SNRPN: variants seen among roughly 807,000 people sequenced by gnomAD.
The protein encoded by SNRPN is small nuclear ribonucleoprotein polypeptide N.
A neutral mutation model predicts 25.2 loss-of-function variants in SNRPN; 7 were observed. The ratio of observed to expected loss-of-function variants is 0.28; its 90% CI spans 0.16 to 0.52. The LOEUF is 0.52. Ranked by LOEUF, SNRPN falls within the 20% of genes least tolerant of loss-of-function variation. The pLI, the probability that SNRPN is intolerant of heterozygous loss-of-function variation, is 0.96. For missense variants in SNRPN, 196 were observed against 322.5 expected (o/e 0.61, Z 3.00); for synonymous variants, 124 against 110.6 (o/e 1.12, Z -0.76).
chr15:24,951,826 A>G (rs2062299073), upstream of SNRPN, among the ~76,000 whole-genome samples: 1 of 152,176 alleles, frequency 6.6e-6, no homozygotes, highest in African/African-American at 2.4e-5. Context: ...ACACTTCTTT[A>G]TACATTCTGG....
At chr15:24,953,314 C>G (rs1241290809), upstream of SNRPN, among the ~76,000 whole-genome samples, 1 of 152,066 alleles carries the variant, frequency 6.6e-6, no homozygotes, top group Non-Finnish European at 1.5e-5. Flanking sequence ...ACTGAACATA[C>G]AGTATGCTTT....
At chr15:24,829,767 A>C (rs1295031369) in intron 1 of SNRPN, 3 of 152,202 alleles carry the variant, frequency 2.0e-5, no homozygotes, top group Admixed American at 1.3e-4. Context: ...AAAGGGGCAA[A>C]GAACTTTCTT....
intron 2 of SNRPN, among the ~76,000 whole-genome samples, chr15:24,834,629 G>A (rs1358719455): frequency 6.6e-6 from 1 of 151,202 alleles, no homozygotes; most frequent in African/African-American, 2.4e-5. Flanking sequence ...CTACTCTGCA[G>A]CCTGAGATGG....
At chr15:24,974,251 G>T (rs1596329712) in intron 3 of SNRPN, 60 bp from the exon 4 acceptor site, 1 of 591,844 alleles carries the variant, frequency 1.7e-6, no homozygotes, top group East Asian at 2.9e-5. Flanking sequence ...ATGCAAAATT[G>T]TCTGCCTGTT....
intron 1 of SNRPN, among the ~76,000 whole-genome samples, chr15:24,869,146 A>G (rs2054859031): frequency 6.6e-6 from 1 of 152,062 alleles, no homozygotes; most frequent in African/African-American, 2.4e-5. Flanking sequence ...CCGTGTCTCA[A>G]AAAAAATGGG....
At position 24,921,715 on chromosome 15, in the gene SNRPN, C is replaced by T. The variant is rs118042171; in HGVS notation, c.-391+1591C>T. ...TGGCCATTGCAGAAAGGGAAGAGAG[C>T]ACAGTCCTTCAGGCCAACTCACTTG... On this transcript the variant is annotated intron_variant, in intron 3 of 11. Transcript: ENST00000400097. 3.3e-4 allele frequency among the ~76,000 whole-genome samples: 51 copies of T among 152,258 alleles called. No individual in the cohort carries two copies. The East Asian group carries it at 8.5e-3, about 25-fold the overall frequency.
intron 2 of SNRPN, among the ~76,000 whole-genome samples, chr15:24,913,759 C>G (rs978169694): frequency 6.6e-6 from 1 of 152,088 alleles, no homozygotes; most frequent in African/African-American, 2.4e-5. Context: ...TAAAGATTAA[C>G]AAGAGAAAAG....
chr15:24,844,967 GAATT>G (rs2052054617), intron 2 of SNRPN, among the ~76,000 whole-genome samples: 1 of 152,004 alleles, frequency 6.6e-6, no homozygotes, highest in African/African-American at 2.4e-5. Flanking sequence ...GTGGTATTTT[GAATT>G]AATTTTATAT....
intron 2 of SNRPN, among the ~76,000 whole-genome samples, chr15:24,904,387 G>A (rs1213477768): frequency 6.6e-6 from 1 of 152,206 alleles, no homozygotes; most frequent in Non-Finnish European, 1.5e-5. Flanking sequence ...GGCTACAGTG[G>A]CTAACGCCTG....
chr15:24,890,220 A>G (rs1373016478), intron 2 of SNRPN, among the ~76,000 whole-genome samples: 2 of 152,200 alleles, frequency 1.3e-5, no homozygotes, highest in Admixed American at 6.5e-5. Context: ...ACCTGTCCTG[A>G]AAGTAGGTCA....
upstream of SNRPN, among the ~76,000 whole-genome samples, chr15:24,950,548 T>C (rs1280817418): frequency 4.8e-5 from 7 of 145,108 alleles, no homozygotes; most frequent in South Asian, 2.2e-4. Flanking sequence ...TCATTTCTTT[T>C]TTTTTTTTTT....
rs1566921436 is a variant in SNRPN at position 24,927,475 on chromosome 15, A to ATTTTTTTTT, written c.-391+7351_-391+7352insTTTTTTTTT. 2.4e-3 allele frequency among the ~76,000 whole-genome samples: 275 copies of ATTTTTTTTT among 113,290 alleles called. 56 individuals are homozygous for ATTTTTTTTT. Among genetic ancestry groups the ATTTTTTTTT allele is most frequent in the African/African-American group, 3.2e-3 (95 of 29,596 alleles). The allele number at this position is 113,290 out of a possible 152,430, so 74.3% of individuals were successfully genotyped here. On this transcript the variant is annotated intron_variant, in intron 3 of 11. Transcript: ENST00000400097. ...TTTCCCACTGCTTATAAAGTTTTTA[A>ATTTTTTTTT]ATTTTTTTTTTTTTTTTTTTTTTTT... is the stretch of plus-strand genomic sequence containing the variant.
chr15:24,927,905 A>G (rs1198790475), intron 3 of SNRPN, among the ~76,000 whole-genome samples: 1 of 152,136 alleles, frequency 6.6e-6, no homozygotes, highest in Non-Finnish European at 1.5e-5. Flanking sequence ...ACTGGATTCT[A>G]CTGATGCTGT....
chr15:24,902,182 A>G (rs1450177541), intron 2 of SNRPN, among the ~76,000 whole-genome samples: 2 of 152,200 alleles, frequency 1.3e-5, no homozygotes, highest in Non-Finnish European at 2.9e-5. Context: ...TGAATGAAAG[A>G]TTCAGCTTTC....
intron 1 of SNRPN, among the ~76,000 whole-genome samples, chr15:24,858,453 A>G (rs567808126): frequency 6.8e-6 from 1 of 147,476 alleles, no homozygotes; most frequent in Non-Finnish European, 1.5e-5. Context: ...GAATTCCTCA[A>G]CCTGAATTGA....
intron 6 of SNRPN, 151 bp from the exon 7 acceptor site, chr15:24,976,726 A>G: frequency 5.7e-6 from 4 of 699,078 alleles, no homozygotes; most frequent in South Asian, 3.7e-5. Context: ...AGATACCTCC[A>G]TGGTATACTT....
intron 3 of SNRPN, among the ~76,000 whole-genome samples, chr15:24,923,623 T>C (rs1273456987): frequency 6.6e-6 from 1 of 152,172 alleles, no homozygotes; most frequent in African/African-American, 2.4e-5. Flanking sequence ...AATTCAACTA[T>C]AAATAAAAAA....
chr15:24,884,148 CAAAAA>C (rs61039873), intron 1 of SNRPN, among the ~76,000 whole-genome samples: 1 of 104,872 alleles, frequency 9.5e-6, no homozygotes, highest in Non-Finnish European at 1.8e-5. Context: ...CCTGCCTCTA[CAAAAA>C]AAAAAAAAAA....
chr15:24,963,480 T>G (rs1321347697), intron 2 of SNRPN, among the ~76,000 whole-genome samples: 1 of 151,910 alleles, frequency 6.6e-6, no homozygotes, highest in East Asian at 1.9e-4. Flanking sequence ...CCGAGTGTGG[T>G]GGCACGTGCC....
Sources: gnomAD v4.1 joint callset for allele counts (sites outside exome capture counted in the v4.1 genomes callset) on GRCh38, gnomAD v4.1.1 for gene constraint, MANE v1.5 for transcripts, NCBI Gene and HGNC (gene_info 2026-07-23, HGNC 2026-07-21) for gene names.